ZC3H12B: variants seen among roughly 807,000 people sequenced by gnomAD.
ZC3H12B encodes probable ribonuclease ZC3H12B.
In ZC3H12B, 7 loss-of-function variants were observed where a neutral mutation model predicts 43.9. The observed-to-expected ratio is 0.16, with a 90% CI of 0.09 to 0.30. The LOEUF (loss-of-function observed/expected upper bound fraction) is 0.30, where lower values mean the gene tolerates loss of function less well. Among genes scored for constraint, ZC3H12B ranks in the 10% least tolerant of loss-of-function variants. The pLI is 1.00. For synonymous variants in ZC3H12B, 222 were observed against 241.7 expected, an observed-to-expected ratio of 0.92 and a Z score of 0.76; for missense variants, 475 against 670.2, an observed-to-expected ratio of 0.71 and a Z score of 3.22.
intron 3 of ZC3H12B, among the ~76,000 whole-genome samples, chrX:65,448,076 C>G (rs111477180): frequency 4.6e-5 from 5 of 109,105 alleles, no homozygotes; most frequent in African/African-American, 1.7e-4. Context: ...ACTAAAAATA[C>G]AAAAAAAAAT....
chrX:65,323,372 T>G, the ZC3H12B span, among the ~76,000 whole-genome samples: 1 of 111,817 alleles, frequency 8.9e-6, no homozygotes, highest in Non-Finnish European at 1.9e-5. Context: ...GGCCCTGGTG[T>G]GTGATGTTCC....
chrX:65,113,549 A>G, the ZC3H12B span, among the ~76,000 whole-genome samples: 1 of 105,162 alleles, frequency 9.5e-6, no homozygotes, highest in Non-Finnish European at 1.9e-5. Context: ...GGGTGAGAGA[A>G]TGAGACCTTG....
the ZC3H12B span, among the ~76,000 whole-genome samples, chrX:65,115,327 C>T: frequency 9.0e-6 from 1 of 110,601 alleles, no homozygotes; most frequent in Non-Finnish European, 1.9e-5. Flanking sequence ...TCCTGAGTTA[C>T]TTCACTTAAA....
chrX:65,355,199 G>A, the ZC3H12B span, among the ~76,000 whole-genome samples: 2 of 111,307 alleles, frequency 1.8e-5, no homozygotes, highest in African/African-American at 6.5e-5. Flanking sequence ...AAAATGTTAA[G>A]GGCAGCCAGA....
upstream of ZC3H12B, among the ~76,000 whole-genome samples, chrX:65,361,684 C>A (rs1206870733): frequency 2.7e-5 from 3 of 110,396 alleles, no homozygotes; most frequent in Non-Finnish European, 3.8e-5. Context: ...CTGTCCTAGA[C>A]CCCAGAGGAA....
intron 3 of ZC3H12B, among the ~76,000 whole-genome samples, chrX:65,466,603 A>T (rs2067820633): frequency 9.2e-6 from 1 of 108,436 alleles, no homozygotes; most frequent in Non-Finnish European, 1.9e-5. Context: ...AGATTGCTGG[A>T]TTGTAAGGTA....
chrX:65,442,560 G>C (rs1183205033), intron 3 of ZC3H12B, among the ~76,000 whole-genome samples: 1 of 111,383 alleles, frequency 9.0e-6, no homozygotes, highest in African/African-American at 3.3e-5. Context: ...TTAATCTGAG[G>C]TTGGGCCTGG....
At chrX:65,167,269 A>T in the ZC3H12B span, among the ~76,000 whole-genome samples, 15 of 112,105 alleles carry the variant, frequency 1.3e-4, no homozygotes, top group Non-Finnish European at 2.8e-4. Context: ...ATGGCTAGCC[A>T]GTTTTCCCAG....
the ZC3H12B span, among the ~76,000 whole-genome samples, chrX:65,229,070 C>T: frequency 7.3e-5 from 8 of 110,169 alleles, no homozygotes; most frequent in African/African-American, 1.7e-4. Flanking sequence ...GAGCCCACAT[C>T]GCCAAGTCAA....
chrX:65,380,595 C>T (rs886068464), intron 2 of ZC3H12B, among the ~76,000 whole-genome samples: 21 of 110,880 alleles, frequency 1.9e-4, no homozygotes, highest in Non-Finnish European at 3.8e-4. Flanking sequence ...AGGATCAAAT[C>T]CACACATAAC....
chrX:65,043,522 T>TA, the ZC3H12B span, among the ~76,000 whole-genome samples: 1 of 110,648 alleles, frequency 9.0e-6, no homozygotes, highest in African/African-American at 3.3e-5. Flanking sequence ...GCTGTGACTA[T>TA]AATCTGAACC....
At chrX:65,138,301 T>A in the ZC3H12B span, among the ~76,000 whole-genome samples, 31 of 111,924 alleles carry the variant, frequency 2.8e-4, no homozygotes, top group Non-Finnish European at 5.5e-4. Flanking sequence ...TGAGTTCAAC[T>A]TTTTTAGATT....
At chrX:65,212,681 A>G in the ZC3H12B span, among the ~76,000 whole-genome samples, 1 of 89,519 alleles carries the variant, frequency 1.1e-5, no homozygotes, top group African/African-American at 4.1e-5. Flanking sequence ...TATGATTTAT[A>G]TATCATATAT....
At chrX:65,308,500 G>T in the ZC3H12B span, among the ~76,000 whole-genome samples, 80 of 111,537 alleles carry the variant, frequency 7.2e-4, no homozygotes, top group African/African-American at 2.5e-3. Flanking sequence ...ACTCCTTAGA[G>T]ACCTACAAAG....
chrX:65,489,577 A>G lies in ZC3H12B; in HGVS notation c.608+168A>G, dbSNP rs759318897. On this transcript the variant is annotated intron_variant, in intron 1 of 4. Coordinates refer to ENST00000338957, the Ensembl canonical transcript of ZC3H12B. The stretch of plus-strand genomic sequence containing the variant: ...TCCTGCCCTTGCCTTTTCTTCTTCC[A>G]CTGAAGTTGCTGCCAATTTGTTTTC... Among the ~76,000 whole-genome samples, 44 of 111,846 alleles carry G rather than the reference A, an allele frequency of 3.9e-4. 1 individual carries two copies. The highest frequency in any genetic ancestry group is 9.4e-4 in the African/African-American group (29 of 30,813).
At chrX:65,155,354 C>T in the ZC3H12B span, among the ~76,000 whole-genome samples, 4 of 110,698 alleles carry the variant, frequency 3.6e-5, no homozygotes, top group South Asian at 1.6e-3. Flanking sequence ...TATCCCCGTG[C>T]TTTGATCTGC....
chrX:65,122,182 G>C, the ZC3H12B span, among the ~76,000 whole-genome samples: 1 of 111,120 alleles, frequency 9.0e-6, no homozygotes, highest in African/African-American at 3.3e-5. Context: ...GCAGAGCTGA[G>C]TTCAATTCAA....
At chrX:65,188,074 C>T in the ZC3H12B span, among the ~76,000 whole-genome samples, 1 of 111,309 alleles carries the variant, frequency 9.0e-6, no homozygotes, top group African/African-American at 3.3e-5. Context: ...CTTTTGGTAC[C>T]TGGCTTTTTT....
At chrX:65,312,646 A>T in the ZC3H12B span, among the ~76,000 whole-genome samples, 1 of 111,640 alleles carries the variant, frequency 9.0e-6, no homozygotes, top group South Asian at 3.7e-4. Context: ...TTTATGTCAC[A>T]GTTCTGGAGA....
Sources: gnomAD v4.1 joint callset for allele counts (sites outside exome capture counted in the v4.1 genomes callset) on GRCh38, gnomAD v4.1.1 for gene constraint, MANE v1.5 for transcripts, NCBI Gene and HGNC (gene_info 2026-07-23, HGNC 2026-07-21) for gene names.